FGD4: variants seen among roughly 807,000 people sequenced by gnomAD.
The protein encoded by FGD4 is FYVE, RhoGEF and PH domain-containing protein 4.
In FGD4, 42 loss-of-function variants were observed where a neutral mutation model predicts 102.0. That is an observed-to-expected ratio of 0.41 (90% CI 0.32 to 0.53). The LOEUF is 0.53. FGD4 is among the 20% of genes least tolerant of loss of function. FGD4 has a pLI of 0.21. For synonymous variants in FGD4, 380 were observed against 375.7 expected, an observed-to-expected ratio of 1.01 and a Z score of -0.13; for missense variants, 902 against 1,078.2, an observed-to-expected ratio of 0.84 and a Z score of 2.29.
In FGD4 at chr12:32,414,936, C is replaced by G. The variant is rs531130420; in HGVS notation, c.166+14977C>G. Among the ~76,000 whole-genome samples the G allele has an allele frequency of 1.8e-3, 275 of 152,186 alleles. 1 individual carries two copies. The highest frequency in any genetic ancestry group is 6.3e-3 in the African/African-American group (263 of 41,526). On this transcript the variant is annotated intron_variant, in intron 1 of 16. Coordinates refer to ENST00000534526, the MANE Select transcript of FGD4 (RefSeq NM_001370298.3). ...GGCCCTCATAGGTGTAAATTTCCTT[C>G]TTAGTACTGCTTTCACTGTATCTCA...
intron 1 of FGD4, among the ~76,000 whole-genome samples, chr12:32,557,351 T>C (rs1944204893): frequency 6.6e-6 from 1 of 152,254 alleles, no homozygotes; most frequent in Non-Finnish European, 1.5e-5. Flanking sequence ...ACATTTGGTG[T>C]GCTATCTTCC....
chr12:32,620,523 T>TCTTTC (rs559903911), intron 11 of FGD4, among the ~76,000 whole-genome samples: 9,947 of 63,532 alleles, frequency 0.16, 561 homozygotes, highest in Middle Eastern at 0.35. Context: ...TTTCTTTCTT[T>TCTTTC]TTTTTTTTTT....
chr12:32,541,038 T>C (rs1028645039), intron 1 of FGD4, among the ~76,000 whole-genome samples: 5 of 152,218 alleles, frequency 3.3e-5, no homozygotes, highest in Non-Finnish European at 7.3e-5. Context: ...TAGCCAAATA[T>C]GGCTTAAGTA....
At chr12:32,582,969 ATTTT>A (rs1275054607) in intron 4 of FGD4, 1 of 153,174 alleles carries the variant, frequency 6.5e-6, no homozygotes, top group East Asian at 1.9e-4. Flanking sequence ...TAGGCTTTTA[ATTTT>A]TTTAAGTTTT....
chr12:32,555,410 C>A (rs1347252031), intron 1 of FGD4, among the ~76,000 whole-genome samples: 1 of 151,968 alleles, frequency 6.6e-6, no homozygotes, highest in Non-Finnish European at 1.5e-5. Context: ...TGGTAGGCAA[C>A]TGCATGTGTA....
At chr12:32,605,836 A>G (rs115769803) in intron 7 of FGD4, among the ~76,000 whole-genome samples, 2,506 of 152,308 alleles carry the variant, frequency 0.016, 56 homozygotes, top group African/African-American at 0.057. Flanking sequence ...AATGTATTCA[A>G]ATTGCTTAGC....
chr12:32,641,262 G>A lies in FGD4; in HGVS notation c.*729G>A, dbSNP rs559729869. On this transcript the variant is annotated 3_prime_UTR_variant, in exon 17 of 17. Transcript: ENST00000534526. ...GAATTGAGCAATGTTCTAAACTGAAGAAATGTTTTGGTGATTTATGTTTTG... is the reference window on the plus strand; with the variant it reads ...GAATTGAGCAATGTTCTAAACTGAAAAAATGTTTTGGTGATTTATGTTTTG... The A allele has an allele frequency of 1.3e-5, 2 of 152,188 alleles. No homozygotes were observed. Among genetic ancestry groups the A allele is most frequent in the Non-Finnish European group, 2.9e-5 (2 of 68,004 alleles). 9.4% of individuals were successfully genotyped at this position (152,188 alleles called of 1,614,324 possible). A position where few individuals can be genotyped will look rare whatever the true frequency, so the allele number is the denominator to read the frequency against.
At chr12:32,565,668 A>G (rs1215607328) in intron 2 of FGD4, among the ~76,000 whole-genome samples, 1 of 152,188 alleles carries the variant, frequency 6.6e-6, no homozygotes, top group Non-Finnish European at 1.5e-5. Context: ...GAGAGATATA[A>G]GAGTGTCCTT....
chr12:32,634,859 A>C (rs1469704579), intron 15 of FGD4, among the ~76,000 whole-genome samples: 1 of 152,094 alleles, frequency 6.6e-6, no homozygotes, highest in African/African-American at 2.4e-5. Context: ...GTGGTGGCAC[A>C]CACCTGTAGT....
At chr12:32,439,113 T>G (rs972955668) in intron 1 of FGD4, among the ~76,000 whole-genome samples, 2 of 152,162 alleles carry the variant, frequency 1.3e-5, no homozygotes, top group African/African-American at 4.8e-5. Context: ...GACCAAACAT[T>G]TCCCCAAAAC....
intron 1 of FGD4, among the ~76,000 whole-genome samples, chr12:32,430,933 G>A (rs991698930): frequency 3.3e-5 from 5 of 152,200 alleles, no homozygotes; most frequent in African/African-American, 1.2e-4. Flanking sequence ...GGGTTCTGGA[G>A]GAAGCAAGGA....
At chr12:32,415,050 C>T (rs910257313) in intron 1 of FGD4, among the ~76,000 whole-genome samples, 2 of 152,160 alleles carry the variant, frequency 1.3e-5, no homozygotes, top group African/African-American at 2.4e-5. Flanking sequence ...ACTGTTCATT[C>T]AGGAGCATAT....
intron 14 of FGD4, 97 bp downstream of exon 14, chr12:32,625,876 T>G: frequency 6.5e-7 from 1 of 1,531,366 alleles, no homozygotes; most frequent in Non-Finnish European, 9.0e-7. Context: ...TTTCAACAAA[T>G]CACTTAATAA....
At chr12:32,545,640 G>T in intron 1 of FGD4, among the ~76,000 whole-genome samples, 1 of 152,226 alleles carries the variant, frequency 6.6e-6, no homozygotes, top group Non-Finnish European at 1.5e-5. Flanking sequence ...CCTGATTGAG[G>T]ATTGTTTTAA....
chr12:32,433,417 C>T (rs1376864096), intron 1 of FGD4, among the ~76,000 whole-genome samples: 7 of 151,634 alleles, frequency 4.6e-5, no homozygotes, highest in South Asian at 2.1e-4. Context: ...GGCTCAGTTT[C>T]GGCTCACTGC....
At chr12:32,472,213 C>G (rs575818771) in intron 1 of FGD4, among the ~76,000 whole-genome samples, 10 of 152,344 alleles carry the variant, frequency 6.6e-5, no homozygotes, top group African/African-American at 2.2e-4. Context: ...CCTTCAGCCC[C>G]CCACTGCACT....
At chr12:32,459,696 C>CT (rs528060186) in intron 1 of FGD4, among the ~76,000 whole-genome samples, 1,640 of 145,288 alleles carry the variant, frequency 0.011, 22 homozygotes, top group African/African-American at 0.029. Context: ...AGTAGATTTT[C>CT]TTTTTTTTTT....
intron 10 of FGD4, among the ~76,000 whole-genome samples, chr12:32,612,514 T>A (rs2389101): frequency 0.28 from 42,919 of 152,146 alleles, 6,284 homozygotes; most frequent in South Asian, 0.41. Flanking sequence ...CCTTTGACAG[T>A]ATAATTTACT....
intron 1 of FGD4, among the ~76,000 whole-genome samples, chr12:32,502,927 GAA>G (rs1938352330): frequency 6.6e-6 from 1 of 152,196 alleles, no homozygotes; most frequent in South Asian, 2.1e-4. Flanking sequence ...GCAAGACAAG[GAA>G]GATCAGCTTC....
Sources: gnomAD v4.1 joint callset for allele counts (sites outside exome capture counted in the v4.1 genomes callset) on GRCh38, gnomAD v4.1.1 for gene constraint, MANE v1.5 for transcripts, NCBI Gene and HGNC (gene_info 2026-07-23, HGNC 2026-07-21) for gene names.